The following SP100 variants were observed in gnomAD, a reference collection of about 807,000 sequenced individuals.
SP100 encodes the protein SP100 nuclear body protein, also known as nuclear autoantigen Sp-100.
A neutral mutation model predicts 130.0 loss-of-function variants in SP100; 84 were observed. That is an observed-to-expected ratio of 0.65 (90% CI 0.54 to 0.77). The LOEUF is 0.77. Among genes scored for constraint, SP100 ranks in the 30% least tolerant of loss-of-function variants. SP100 has a pLI of 0.00. For synonymous variants in SP100, 331 were observed against 351.7 expected (o/e 0.94, Z 0.66); for missense variants, 978 against 1,052.2 (o/e 0.93, Z 0.97).
intron 2 of SP100, among the ~76,000 whole-genome samples, chr2:230,441,186 AT>A (rs1157712005): frequency 1.3e-5 from 2 of 152,248 alleles, no homozygotes; most frequent in Non-Finnish European, 1.5e-5. Flanking sequence ...CAAAAAATAA[AT>A]TGCCAATTAA....
intron 10 of SP100, chr2:230,463,801 A>C (rs939057362): frequency 8.5e-6 from 2 of 235,390 alleles, no homozygotes; most frequent in African/African-American, 2.3e-5. Flanking sequence ...GGAAATGTGG[A>C]ATGGCAAGCA....
intron 24 of SP100, among the ~76,000 whole-genome samples, chr2:230,516,945 CAT>C (rs1181030591): frequency 6.6e-6 from 1 of 152,120 alleles, no homozygotes; most frequent in Non-Finnish European, 1.5e-5. Flanking sequence ...ACATTAATAA[CAT>C]ATCTATACAA....
chr2:230,456,737 G>A (rs1434144618), intron 8 of SP100, among the ~76,000 whole-genome samples: 1 of 151,950 alleles, frequency 6.6e-6, no homozygotes, highest in Non-Finnish European at 1.5e-5. Flanking sequence ...GTATTTTTCA[G>A]CTCCAGAATT....
intron 15 of SP100, among the ~76,000 whole-genome samples, chr2:230,472,357 G>C (rs917186006): frequency 1.3e-5 from 2 of 148,874 alleles, no homozygotes; most frequent in Non-Finnish European, 3.0e-5. Context: ...GAACCTTGGA[G>C]GCAGGTCTTG....
rs557155064 is a variant in SP100, at chr2:230,460,918, C to T, written c.821-344C>T. On this transcript the variant is annotated intron_variant, in intron 8 of 28. Transcript: ENST00000340126. ...GATTACAGGCGTGAGCCACCGCGCCCGGCCGGTAATCTGTTTCTTGATCAA... is the reference window on the plus strand; with the variant it reads ...GATTACAGGCGTGAGCCACCGCGCCTGGCCGGTAATCTGTTTCTTGATCAA... Among the ~76,000 whole-genome samples, 160 of 21,224 alleles carry T rather than the reference C, an allele frequency of 7.5e-3. 57 individuals carry two copies. Among genetic ancestry groups the T allele is most frequent in the Admixed American group, 0.017 (51 of 2,956 alleles). 13.9% of individuals were successfully genotyped at this position (21,224 alleles called of 152,430 possible).
At chr2:230,475,002 C>T (rs190238639) in intron 17 of SP100, among the ~76,000 whole-genome samples, 32 of 151,384 alleles carry the variant, frequency 2.1e-4, no homozygotes, top group South Asian at 6.3e-4. Flanking sequence ...CATATGAGTG[C>T]GTGTATCTTT....
intron 17 of SP100, among the ~76,000 whole-genome samples, chr2:230,483,667 G>A (rs2065935216): frequency 6.6e-6 from 1 of 152,164 alleles, no homozygotes; most frequent in African/African-American, 2.4e-5. Context: ...TGGTGAATTG[G>A]ACTAAGTTGG....
chr2:230,421,621 A>G (rs1207726776), intron 2 of SP100, among the ~76,000 whole-genome samples: 1 of 152,036 alleles, frequency 6.6e-6, no homozygotes, highest in East Asian at 1.9e-4. Context: ...TCACAACTGC[A>G]TAAATATTTG....
intron 17 of SP100, among the ~76,000 whole-genome samples, chr2:230,490,744 T>C (rs2066347814): frequency 6.6e-6 from 1 of 152,222 alleles, no homozygotes; most frequent in Non-Finnish European, 1.5e-5. Context: ...CCTTCACTTG[T>C]GGAGCTTAGT....
chr2:230,418,685 A>AT (rs1477228747), intron 2 of SP100, among the ~76,000 whole-genome samples: 3 of 151,136 alleles, frequency 2.0e-5, no homozygotes, highest in Non-Finnish European at 4.4e-5. Context: ...ATTCTTATCA[A>AT]TTTTTCTGAG....
chr2:230,417,897 A>G (rs578172198), intron 2 of SP100, among the ~76,000 whole-genome samples: 1 of 152,242 alleles, frequency 6.6e-6, no homozygotes, highest in East Asian at 1.9e-4. Flanking sequence ...ACCTTTGTCT[A>G]TGGTGACTTT....
In SP100 at chr2:230,469,629, C is replaced by A. The variant is rs968538526; in HGVS notation, c.1346-386C>A. On this transcript the variant is annotated intron_variant, in intron 14 of 28. Coordinates refer to ENST00000340126, the MANE Select transcript of SP100 (RefSeq NM_001080391.2). ...TCTGTTGACTTCACTAGCTGGGAGACCAGAGACAGAATAGGGTAGGAAAAG... is the reference window on the plus strand; with the variant it reads ...TCTGTTGACTTCACTAGCTGGGAGAACAGAGACAGAATAGGGTAGGAAAAG... 4 of 586,778 alleles carry A rather than the reference C, an allele frequency of 6.8e-6. No homozygotes were observed. The Admixed American group carries it at 1.3e-4, about 19-fold the overall frequency. 36.3% of individuals were successfully genotyped at this position (586,778 alleles called of 1,614,324 possible). A position where few individuals can be genotyped will look rare whatever the true frequency, so the allele number is the denominator to read the frequency against.
At chr2:230,522,164 G>A (rs1255907155) in intron 24 of SP100, among the ~76,000 whole-genome samples, 2 of 152,116 alleles carry the variant, frequency 1.3e-5, no homozygotes, top group Admixed American at 6.5e-5. Flanking sequence ...CCCAACCGAT[G>A]GAGAAAGGAA....
At chr2:230,455,954 T>C (rs906168689) in intron 8 of SP100, among the ~76,000 whole-genome samples, 1 of 152,230 alleles carries the variant, frequency 6.6e-6, no homozygotes, top group Admixed American at 6.5e-5. Flanking sequence ...ATATAGTGTA[T>C]ACTCTAAAAA....
intron 24 of SP100, among the ~76,000 whole-genome samples, chr2:230,517,980 C>T (rs1266750086): frequency 6.6e-6 from 1 of 151,992 alleles, no homozygotes; most frequent in African/African-American, 2.4e-5. Flanking sequence ...TGATCATATA[C>T]AAAATTTATT....
intron 19 of SP100, among the ~76,000 whole-genome samples, chr2:230,499,911 C>T (rs559989003): frequency 6.6e-5 from 10 of 152,166 alleles, no homozygotes; most frequent in South Asian, 4.2e-4. Flanking sequence ...TGGCCTCTCT[C>T]ATAAGGCCTG....
At chr2:230,461,014 T>A (rs2064578311) in intron 8 of SP100, among the ~76,000 whole-genome samples, 1 of 4,582 alleles carries the variant, frequency 2.2e-4, no homozygotes, top group East Asian at 0.024. Flanking sequence ...AATTATAATT[T>A]TTATTTTTTT....
intron 18 of SP100, 54 bp downstream of exon 18, chr2:230,494,514 C>A: frequency 7.7e-7 from 1 of 1,297,792 alleles, no homozygotes; most frequent in Non-Finnish European, 1.1e-6. Context: ...TCCTGTTCTT[C>A]CTGCCAGACC....
intron 17 of SP100, among the ~76,000 whole-genome samples, chr2:230,489,667 C>A (rs2066292632): frequency 6.6e-6 from 1 of 152,082 alleles, no homozygotes; most frequent in Non-Finnish European, 1.5e-5. Flanking sequence ...ATAAATTTCC[C>A]TCTTAATACT....
Sources: gnomAD v4.1 joint callset for allele counts (sites outside exome capture counted in the v4.1 genomes callset) on GRCh38, gnomAD v4.1.1 for gene constraint, MANE v1.5 for transcripts, NCBI Gene and HGNC (gene_info 2026-07-23, HGNC 2026-07-21) for gene names.